Variants in CNTNAP2 observed in about 807,000 individuals in gnomAD.
The protein encoded by CNTNAP2 is contactin-associated protein-like 2.
Under a neutral mutation model 155.2 loss-of-function variants are expected in CNTNAP2, and 98 were observed. The observed-to-expected ratio is 0.63, with a 90% CI of 0.54 to 0.75. The LOEUF is 0.75. CNTNAP2 is among the 30% of genes least tolerant of loss of function. CNTNAP2 has a pLI of 0.00. For synonymous variants in CNTNAP2, 651 were observed against 631.2 expected (o/e 1.03, Z -0.47); for missense variants, 1,727 against 1,688.1 (o/e 1.02, Z -0.40).
At chr7:146,390,780 G>A (rs10808037) in intron 1 of CNTNAP2, among the ~76,000 whole-genome samples, 145,656 of 148,392 alleles carry the variant, frequency 0.98, 71,507 homozygotes, top group East Asian at 1. Context: ...ATTATAATAC[G>A]TATTTTAGCT....
intron 1 of CNTNAP2, among the ~76,000 whole-genome samples, chr7:146,247,927 T>TGGGGCACAGAGATACGAGGTC (rs939922321): frequency 2.0e-5 from 3 of 149,368 alleles, no homozygotes; most frequent in Non-Finnish European, 4.4e-5. Context: ...GAGAAGGGGT[T>TGGGGCACAGAGATACGAGGTC]GGGGCACAGA....
intron 1 of CNTNAP2, among the ~76,000 whole-genome samples, chr7:146,177,149 A>T (rs1798481438): frequency 6.6e-6 from 1 of 152,178 alleles, no homozygotes; most frequent in African/African-American, 2.4e-5. Flanking sequence ...AGGTGTTGTA[A>T]ATTTTGAATG....
intron 1 of CNTNAP2, among the ~76,000 whole-genome samples, chr7:146,503,398 G>A (rs1183481222): frequency 1.3e-5 from 2 of 152,154 alleles, no homozygotes; most frequent in South Asian, 2.1e-4. Context: ...GGCAATTTTT[G>A]TTTAGCTCAT....
intron 1 of CNTNAP2, among the ~76,000 whole-genome samples, chr7:146,371,234 A>G (rs1795229259): frequency 1.3e-5 from 2 of 152,106 alleles, no homozygotes; most frequent in Non-Finnish European, 2.9e-5. Flanking sequence ...AGGAGCCTCA[A>G]TAATGAGGCT....
chr7:146,997,576 G>A (rs1276869249), intron 3 of CNTNAP2, among the ~76,000 whole-genome samples: 2 of 152,098 alleles, frequency 1.3e-5, no homozygotes, highest in African/African-American at 2.4e-5. Context: ...CATCTAATGG[G>A]TTTGGAAGTA....
intron 15 of CNTNAP2, among the ~76,000 whole-genome samples, chr7:148,055,429 G>T (rs1319591942): frequency 6.6e-6 from 1 of 152,100 alleles, no homozygotes; most frequent in East Asian, 1.9e-4. Flanking sequence ...GGCCCATGGT[G>T]CTATGGAGCA....
At chr7:146,184,860 C>A (rs1042496349) in intron 1 of CNTNAP2, among the ~76,000 whole-genome samples, 1 of 152,154 alleles carries the variant, frequency 6.6e-6, no homozygotes, top group East Asian at 1.9e-4. Context: ...GGTTCTTAGA[C>A]ATTTCTAAAT....
chr7:146,774,430 A>T, intron 2 of CNTNAP2, 49 bp downstream of exon 2: 1 of 1,297,674 alleles, frequency 7.7e-7, no homozygotes, highest in South Asian at 1.2e-5. Flanking sequence ...AAATAAGAAC[A>T]TGTTATATTT....
At chr7:146,593,452 G>A (rs368268494) in intron 1 of CNTNAP2, among the ~76,000 whole-genome samples, 1 of 152,062 alleles carries the variant, frequency 6.6e-6, no homozygotes, top group Non-Finnish European at 1.5e-5. Flanking sequence ...TCTGAGAAAA[G>A]AATCTTAGCC....
intron 18 of CNTNAP2, among the ~76,000 whole-genome samples, chr7:148,176,785 T>C (rs527845978): frequency 1.3e-5 from 2 of 152,280 alleles, no homozygotes; most frequent in South Asian, 4.2e-4. Context: ...TCCCTTCCAA[T>C]GCAGAATTCC....
At chr7:146,462,500 C>T (rs1055037210) in intron 1 of CNTNAP2, among the ~76,000 whole-genome samples, 4 of 152,144 alleles carry the variant, frequency 2.6e-5, no homozygotes, top group African/African-American at 9.7e-5. Context: ...TGGTGTTTTC[C>T]TTTCCGAGCA....
intron 1 of CNTNAP2, among the ~76,000 whole-genome samples, chr7:146,680,401 CT>C (rs1472975181): frequency 7.9e-5 from 12 of 152,164 alleles, no homozygotes; most frequent in African/African-American, 2.4e-5. Context: ...TTTTACACCT[CT>C]TTTTTCTTAA....
At chr7:147,350,212 ACAAAT>A (rs1795945491) in intron 9 of CNTNAP2, among the ~76,000 whole-genome samples, 1 of 151,960 alleles carries the variant, frequency 6.6e-6, no homozygotes, top group South Asian at 2.1e-4. Flanking sequence ...CTTGAATAAA[ACAAAT>A]GCAATTTTGT....
At chr7:147,272,709 G>C (rs547426786) in intron 8 of CNTNAP2, among the ~76,000 whole-genome samples, 3 of 145,450 alleles carry the variant, frequency 2.1e-5, no homozygotes, top group African/African-American at 7.6e-5. Flanking sequence ...GGGTTTCACC[G>C]TGTTAGCCAG....
intron 9 of CNTNAP2, among the ~76,000 whole-genome samples, chr7:147,309,131 G>A (rs181695962): frequency 6.6e-6 from 1 of 152,216 alleles, no homozygotes; most frequent in African/African-American, 2.4e-5. Flanking sequence ...GGGTTGGAGG[G>A]GGGTAGAAAG....
rs1797817881 is a variant in CNTNAP2, at chr7:147,791,463, T to C, written c.2099-112102T>C. On this transcript the variant is annotated intron_variant, in intron 13 of 23. Transcript: ENST00000361727. ...GCTGTCTCTCTCTCTCTTTTTTTTTTTTTTTTTCATTTAGGTAGTATCTTT... is the reference window on the plus strand; with the variant it reads ...GCTGTCTCTCTCTCTCTTTTTTTTTCTTTTTTTCATTTAGGTAGTATCTTT... Among the ~76,000 whole-genome samples, 5 of 151,702 alleles carry C rather than the reference T, an allele frequency of 3.3e-5. No homozygotes were observed. The South Asian group carries it at 1.0e-3, about 31-fold the overall frequency.
chr7:146,906,550 C>T (rs1796132556), intron 3 of CNTNAP2, among the ~76,000 whole-genome samples: 1 of 152,028 alleles, frequency 6.6e-6, no homozygotes, highest in African/African-American at 2.4e-5. Context: ...ACACTGACAC[C>T]TCACACAGCA....
chr7:146,608,184 A>G (rs141371360), intron 1 of CNTNAP2, among the ~76,000 whole-genome samples: 2 of 152,298 alleles, frequency 1.3e-5, no homozygotes, highest in Admixed American at 6.5e-5. Flanking sequence ...CTGCCTGTCA[A>G]TATCACTTGA....
intron 1 of CNTNAP2, among the ~76,000 whole-genome samples, chr7:146,461,534 A>T (rs1796637628): frequency 6.6e-6 from 1 of 152,342 alleles, no homozygotes; most frequent in Admixed American, 6.5e-5. Flanking sequence ...AAAATCTTTA[A>T]ATTTTTAAAA....
Sources: gnomAD v4.1 joint callset for allele counts (sites outside exome capture counted in the v4.1 genomes callset) on GRCh38, gnomAD v4.1.1 for gene constraint, MANE v1.5 for transcripts, NCBI Gene and HGNC (gene_info 2026-07-23, HGNC 2026-07-21) for gene names.